Variants in RALGAPA1 observed in about 807,000 individuals in gnomAD.
RALGAPA1 encodes ral GTPase-activating protein subunit alpha-1.
In RALGAPA1, 52 loss-of-function variants were observed where a neutral mutation model predicts 269.6. The ratio of observed to expected loss-of-function variants is 0.19; its 90% confidence interval spans 0.15 to 0.24. The LOEUF (loss-of-function observed/expected upper bound fraction) is 0.24, where lower values mean the gene tolerates loss of function less well. Among genes scored for constraint, RALGAPA1 ranks in the 10% least tolerant of loss-of-function variants. The pLI, the probability that RALGAPA1 is intolerant of heterozygous loss-of-function variation, is 1.00. For synonymous variants in RALGAPA1, 817 were observed against 1,008.3 expected, an observed-to-expected ratio of 0.81 and a Z score of 3.60; for missense variants, 1,917 against 3,013.9, an observed-to-expected ratio of 0.64 and a Z score of 8.52.
chr14:35,671,668 C>T, intron 25 of RALGAPA1, 151 bp from the exon 26 acceptor site: 1 of 469,592 alleles, frequency 2.1e-6, no homozygotes, highest in Non-Finnish European at 3.9e-6. Context: ...TCAATTCTTC[C>T]AAATAATCCA....
intron 21 of RALGAPA1, among the ~76,000 whole-genome samples, chr14:35,681,746 T>C (rs903503354): frequency 1.3e-5 from 2 of 152,152 alleles, no homozygotes; most frequent in Non-Finnish European, 2.9e-5. Flanking sequence ...ACAAACAAAA[T>C]ATAAAACAGT....
chr14:35,567,187 T>C (rs1406756522), intron 39 of RALGAPA1, among the ~76,000 whole-genome samples: 1 of 152,164 alleles, frequency 6.6e-6, no homozygotes. Flanking sequence ...ACTATTTTCA[T>C]CAATTTTCTC....
intron 24 of RALGAPA1, 129 bp downstream of exon 24, chr14:35,674,051 T>G: frequency 1.6e-6 from 1 of 638,680 alleles, no homozygotes; most frequent in Non-Finnish European, 2.7e-6. Flanking sequence ...TAATGCCTAA[T>G]GACTTCCTAA....
chr14:35,800,674 A>G (rs1013516580), intron 1 of RALGAPA1, among the ~76,000 whole-genome samples: 16 of 152,230 alleles, frequency 1.1e-4, no homozygotes, highest in South Asian at 2.1e-4. Context: ...GAAACAACAA[A>G]AAGAGCAAAT....
At chr14:35,563,340 A>T (rs1468733441) in intron 39 of RALGAPA1, among the ~76,000 whole-genome samples, 1 of 152,104 alleles carries the variant, frequency 6.6e-6, no homozygotes, top group Non-Finnish European at 1.5e-5. Context: ...AAAAGTAGAG[A>T]TGGGCATTAC....
intron 17 of RALGAPA1, among the ~76,000 whole-genome samples, chr14:35,699,806 T>C (rs576570825): frequency 6.6e-6 from 1 of 151,620 alleles, no homozygotes; most frequent in Non-Finnish European, 1.5e-5. Context: ...CTGATTATCT[T>C]CCTAAGTCAT....
At chr14:35,641,108 A>G (rs1227025154) in intron 31 of RALGAPA1, among the ~76,000 whole-genome samples, 2 of 152,170 alleles carry the variant, frequency 1.3e-5, no homozygotes, top group Admixed American at 6.5e-5. Flanking sequence ...AATAAAAGCC[A>G]TATTAGGACA....
intron 41 of RALGAPA1, among the ~76,000 whole-genome samples, chr14:35,541,017 A>ATCT (rs1406982705): frequency 1.4e-5 from 2 of 147,698 alleles, no homozygotes; most frequent in Non-Finnish European, 3.0e-5. Flanking sequence ...GCAATTAAGA[A>ATCT]TATGTCTTTG....
intron 39 of RALGAPA1, 82 bp downstream of exon 39, chr14:35,570,535 G>A: frequency 2.7e-6 from 3 of 1,108,260 alleles, no homozygotes; most frequent in Admixed American, 2.9e-5. Context: ...AAAATAAAAG[G>A]CTTTAACAAT....
In RALGAPA1 at chr14:35,549,113, C is replaced by T. The variant is rs1242532303; in HGVS notation, c.7618G>A (p.Ala2540Thr). Residue 2540 changes from alanine (A) to threonine (T), a missense_variant, in exon 40 of 42, where the codon GCC becomes ACC. By Grantham distance (58) the Ala-to-Thr change is moderately conservative. This residue lies in a region of RALGAPA1 where 91 missense variants were observed against 130.9 expected (regional missense o/e 0.70). Transcript: ENST00000680220. ...PAPYHHLPSDADH is the reference protein window; with the variant it reads ...PAPYHHLPSDTDH Reference sequence around the variant, plus strand: ...TAATACTCGCTTTTAATCTTACCGGCATCAGATGGTAAATGGTGGTAGGGA... The same window carrying T: ...TAATACTCGCTTTTAATCTTACCGGTATCAGATGGTAAATGGTGGTAGGGA... 1 of 1,610,182 alleles carries T rather than the reference C, an allele frequency of 6.2e-7. No individual in the cohort carries two copies. Among genetic ancestry groups the T allele is most frequent in the East Asian group, 2.2e-5 (1 of 44,776 alleles).
rs769587984 is a variant in RALGAPA1, at chr14:35,728,342, A to G, written c.1736+20T>C. ...TACACAATAAAAACACATAGACATA[A>G]AGGATAAAAATTTTTTTACCAAGTC... On this transcript the variant is annotated intron_variant, in intron 13 of 41. Transcript: ENST00000680220. The G allele has an allele frequency of 6.5e-7, 1 of 1,539,992 alleles. No individual in the cohort carries two copies. The highest frequency in any genetic ancestry group is 8.7e-7 in the Non-Finnish European group (1 of 1,147,968).
chr14:35,788,206 C>T (rs1048608410), intron 1 of RALGAPA1, among the ~76,000 whole-genome samples: 3 of 150,948 alleles, frequency 2.0e-5, no homozygotes, highest in Admixed American at 6.6e-5. Flanking sequence ...CTCCTGACCT[C>T]GTGATTTACC....
At chr14:35,648,996 C>T (rs2062643639) in intron 31 of RALGAPA1, among the ~76,000 whole-genome samples, 3 of 152,230 alleles carry the variant, frequency 2.0e-5, no homozygotes, top group Admixed American at 2.0e-4. Context: ...GCTAACTCAT[C>T]TTACTCTACT....
At position 35,635,445 on chromosome 14, in the gene RALGAPA1, A is replaced by C; in HGVS notation, c.5811+19T>G. The C allele has an allele frequency of 2.6e-6, 4 of 1,566,030 alleles. No individual in the cohort carries two copies. The highest frequency in any genetic ancestry group is 3.5e-6 in the Non-Finnish European group (4 of 1,159,352). ...AAAACTCTTGGTTACCAAATAAATA[A>C]TAAAGCAAGGAAGTTTACCTTATAA... On this transcript the variant is annotated intron_variant, in intron 32 of 41. Coordinates refer to ENST00000680220, the MANE Select transcript of RALGAPA1 (RefSeq NM_001346249.2).
intron 1 of RALGAPA1, among the ~76,000 whole-genome samples, chr14:35,805,286 GA>G (rs1018367601): frequency 1.3e-5 from 2 of 148,608 alleles, no homozygotes; most frequent in African/African-American, 2.5e-5. Flanking sequence ...AAAAAAAAAA[GA>G]AAAAATTAGC....
chr14:35,687,885 T>G (rs2066095226), intron 18 of RALGAPA1, among the ~76,000 whole-genome samples: 1 of 152,238 alleles, frequency 6.6e-6, no homozygotes, highest in Non-Finnish European at 1.5e-5. Flanking sequence ...AAATGAAAAG[T>G]GATTAAATTC....
intron 7 of RALGAPA1, 71 bp from the exon 8 acceptor site, chr14:35,752,233 T>C (rs2072778936): frequency 5.8e-6 from 8 of 1,386,210 alleles, no homozygotes; most frequent in Non-Finnish European, 7.6e-6. Flanking sequence ...TTAGCAATTA[T>C]AAACAAGCTT....
intron 39 of RALGAPA1, among the ~76,000 whole-genome samples, chr14:35,553,401 C>A (rs1426341009): frequency 6.6e-6 from 1 of 152,110 alleles, no homozygotes; most frequent in Non-Finnish European, 1.5e-5. Context: ...GAAGGTTATG[C>A]AGTATCAAGT....
chr14:35,643,029 G>T (rs1278712989), intron 31 of RALGAPA1, among the ~76,000 whole-genome samples: 2 of 152,152 alleles, frequency 1.3e-5, no homozygotes, highest in African/African-American at 4.8e-5. Flanking sequence ...CATGTCCTTT[G>T]TAGGGACATG....
Sources: gnomAD v4.1 joint callset for allele counts (sites outside exome capture counted in the v4.1 genomes callset) on GRCh38, gnomAD v4.1.1 for gene constraint, gnomAD v4.1.1 regional missense constraint, MANE v1.5 for transcripts, NCBI Gene and HGNC (gene_info 2026-07-23, HGNC 2026-07-21) for gene names.